Variants in OR9Q1 observed in about 807,000 individuals in gnomAD.
The protein encoded by OR9Q1 is olfactory receptor 9Q1.
For synonymous variants in OR9Q1, 153 were observed against 148.6 expected, an observed-to-expected ratio of 1.03 and a Z score of -0.22; for missense variants, 374 against 378.8, an observed-to-expected ratio of 0.99 and a Z score of 0.11.
At chr11:58,145,498 A>G (rs575387639) in intron 2 of OR9Q1, 2 of 152,314 alleles carry the variant, frequency 1.3e-5, no homozygotes, top group African/African-American at 4.8e-5. Context: ...TTAACACATG[A>G]GCCAGATCTC....
chr11:58,144,264 T>A (rs952777400), intron 2 of OR9Q1, among the ~76,000 whole-genome samples: 4 of 144,340 alleles, frequency 2.8e-5, no homozygotes, highest in Non-Finnish European at 6.0e-5. Flanking sequence ...CACCTATGAG[T>A]GAGAAAATGC....
rs189336979 is a variant in OR9Q1 at position 58,118,718 on chromosome 11, A to T, written c.-14-60713A>T. ...AAAAGGGCCACAGCAGTGATGTGAGAGGCACATGTGGAGAAAGTCTTGGCC... is the reference window on the plus strand; with the variant it reads ...AAAAGGGCCACAGCAGTGATGTGAGTGGCACATGTGGAGAAAGTCTTGGCC... On this transcript the variant is annotated intron_variant, in intron 2 of 2. Transcript: ENST00000335397. 5.0e-6 allele frequency: 8 copies of T among 1,614,094 alleles called. No homozygotes were observed. In the East Asian group the frequency reaches 1.6e-4, roughly 32 times the overall value.
At chr11:58,074,149 A>T (rs1853516609) in intron 2 of OR9Q1, among the ~76,000 whole-genome samples, 1 of 152,144 alleles carries the variant, frequency 6.6e-6, no homozygotes, top group Non-Finnish European at 1.5e-5. Context: ...TGTGTCTTTA[A>T]AGTAGAATGA....
At chr11:58,086,149 GAACTC>G (rs762662664) in intron 2 of OR9Q1, among the ~76,000 whole-genome samples, 1 of 151,656 alleles carries the variant, frequency 6.6e-6, no homozygotes, top group Admixed American at 6.6e-5. Flanking sequence ...AAAACATAAG[GAACTC>G]AACTCAATAG....
At chr11:58,153,438 G>C (rs1363007972) in intron 2 of OR9Q1, among the ~76,000 whole-genome samples, 1 of 152,106 alleles carries the variant, frequency 6.6e-6, no homozygotes, top group Non-Finnish European at 1.5e-5. Flanking sequence ...CAAACATCAG[G>C]AGCCAAGCAA....
chr11:58,096,378 T>G (rs1853732057), intron 2 of OR9Q1, among the ~76,000 whole-genome samples: 1 of 152,198 alleles, frequency 6.6e-6, no homozygotes, highest in African/African-American at 2.4e-5. Context: ...CAGACAATCA[T>G]TCTTCCTCCA....
intron 2 of OR9Q1, among the ~76,000 whole-genome samples, chr11:58,125,826 A>G (rs1006697845): frequency 6.6e-6 from 1 of 152,180 alleles, no homozygotes; most frequent in African/African-American, 2.4e-5. Flanking sequence ...TCAAAGCTCA[A>G]CTGCAGACTC....
intron 2 of OR9Q1, chr11:58,118,781 T>G: frequency 6.2e-7 from 1 of 1,614,064 alleles, no homozygotes; most frequent in Non-Finnish European, 8.5e-7. Context: ...ATGGTCTTGA[T>G]GATGAGCAGA....
intron 2 of OR9Q1, among the ~76,000 whole-genome samples, chr11:58,062,830 A>G (rs1343537454): frequency 6.6e-6 from 1 of 152,190 alleles, no homozygotes; most frequent in Non-Finnish European, 1.5e-5. Flanking sequence ...TTTGACTTAG[A>G]AGACATCATT....
At chr11:58,155,545 C>T (rs980244077) in intron 2 of OR9Q1, among the ~76,000 whole-genome samples, 1 of 152,140 alleles carries the variant, frequency 6.6e-6, no homozygotes, top group Non-Finnish European at 1.5e-5. Flanking sequence ...CTTGCCTCAC[C>T]CTGGTCCTGG....
At chr11:58,179,396 C>A in intron 2 of OR9Q1, 35 bp from the exon 3 acceptor site, 1 of 1,281,070 alleles carries the variant, frequency 7.8e-7, no homozygotes, top group Non-Finnish European at 1.1e-6. Context: ...CCTATTTGCA[C>A]CTTCCTAACT....
chr11:58,109,506 A>G (rs939322613), intron 2 of OR9Q1: 4 of 460,808 alleles, frequency 8.7e-6, no homozygotes, highest in African/African-American at 2.0e-5. Context: ...GGAGTTGGGC[A>G]TCCACTTGGA....
intron 2 of OR9Q1, among the ~76,000 whole-genome samples, chr11:58,166,883 G>C (rs540578637): frequency 6.6e-6 from 1 of 151,710 alleles, no homozygotes; most frequent in South Asian, 2.1e-4. Context: ...TTGTATACAT[G>C]TATGGCTTAC....
chr11:58,144,185 C>A (rs866828147), intron 2 of OR9Q1, among the ~76,000 whole-genome samples: 2 of 130,900 alleles, frequency 1.5e-5, no homozygotes, highest in African/African-American at 2.9e-5. Flanking sequence ...CCCCTCCCCC[C>A]ACCCCACAAC....
chr11:58,113,616 A>C (rs1853923217), intron 2 of OR9Q1, among the ~76,000 whole-genome samples: 1 of 152,210 alleles, frequency 6.6e-6, no homozygotes, highest in Non-Finnish European at 1.5e-5. Context: ...TTCGCAGTTC[A>C]TGCTTTGAGC....
chr11:58,065,062 A>G (rs1853415192), intron 2 of OR9Q1, among the ~76,000 whole-genome samples: 1 of 152,180 alleles, frequency 6.6e-6, no homozygotes, highest in South Asian at 2.1e-4. Context: ...GCTGACAGCA[A>G]TGGAGGCACA....
At chr11:58,138,969 C>G (rs1022728131) in intron 2 of OR9Q1, among the ~76,000 whole-genome samples, 1 of 151,586 alleles carries the variant, frequency 6.6e-6, no homozygotes, top group Non-Finnish European at 1.5e-5. Flanking sequence ...AAGAAGGAAC[C>G]AAAACAAATT....
intron 2 of OR9Q1, among the ~76,000 whole-genome samples, chr11:58,165,277 C>T (rs575665595): frequency 2.0e-4 from 30 of 152,168 alleles, no homozygotes; most frequent in Non-Finnish European, 3.5e-4. Flanking sequence ...ATCTAACACA[C>T]GCTTAATGCC....
At chr11:58,139,038 G>A (rs1047858078) in intron 2 of OR9Q1, among the ~76,000 whole-genome samples, 1 of 152,066 alleles carries the variant, frequency 6.6e-6, no homozygotes, top group African/African-American at 2.4e-5. Context: ...AGCAGGGGTG[G>A]GGCCCTGGGA....
Sources: gnomAD v4.1 joint callset for allele counts (sites outside exome capture counted in the v4.1 genomes callset) on GRCh38, gnomAD v4.1.1 for gene constraint, MANE v1.5 for transcripts, NCBI Gene and HGNC (gene_info 2026-07-23, HGNC 2026-07-21) for gene names.